Variants in CLN3 observed in about 807,000 individuals in gnomAD.
CLN3 encodes the protein battenin.
Under a neutral mutation model 60.7 loss-of-function variants are expected in CLN3, and 49 were observed. The observed-to-expected ratio is 0.81, with a 90% CI of 0.64 to 1.02. The LOEUF is 1.02. CLN3 is among the 50% of genes least tolerant of loss of function. CLN3 has a pLI of 0.00. For missense variants in CLN3, 516 were observed against 557.4 expected, an observed-to-expected ratio of 0.93 and a Z score of 0.75; for synonymous variants, 256 against 245.8, an observed-to-expected ratio of 1.04 and a Z score of -0.39.
downstream of CLN3, among the ~76,000 whole-genome samples, chr16:28,471,976 G>GCTGA (rs2045953539): frequency 6.6e-6 from 1 of 152,136 alleles, no homozygotes; most frequent in African/African-American, 2.4e-5. Context: ...TTTGCAGTGA[G>GCTGA]CTGAGATAGT....
downstream of CLN3, chr16:28,477,157 A>G: frequency 3.0e-6 from 1 of 332,052 alleles, no homozygotes; most frequent in East Asian, 7.9e-5. Context: ...AAACAAACAA[A>G]CAAACAAAAA....
At chr16:28,484,315 T>A (rs530071183) in intron 9 of CLN3, 197 bp from the exon 10 acceptor site, 6 of 610,164 alleles carry the variant, frequency 9.8e-6, no homozygotes, top group African/African-American at 9.2e-5. Context: ...TGGACCTGAA[T>A]TTATCTCCTT....
downstream of CLN3, among the ~76,000 whole-genome samples, chr16:28,474,479 AG>A (rs2045975605): frequency 6.6e-6 from 1 of 151,718 alleles, no homozygotes; most frequent in South Asian, 2.1e-4. Context: ...AAAAAGAGGG[AG>A]GCTGAGGCAG....
At position 28,491,823 on chromosome 16, in the gene CLN3, G is replaced by T; in HGVS notation, c.-64C>A. The T allele has an allele frequency of 1.3e-6, 2 of 1,588,110 alleles. No individual in the cohort carries two copies. The highest frequency in any genetic ancestry group is 8.6e-7 in the Non-Finnish European group (1 of 1,165,042). On this transcript the variant is annotated 5_prime_UTR_variant, in exon 2 of 16. Transcript: ENST00000636147. Reference sequence around the variant, plus strand: ...GAGTGTCCAAAGGGGGCTCCCACGGGAGGGATGAGGGTCTGCGACAGGTGA... The same window carrying T: ...GAGTGTCCAAAGGGGGCTCCCACGGTAGGGATGAGGGTCTGCGACAGGTGA...
In CLN3 at chr16:28,486,476, C is replaced by T; in HGVS notation, c.548G>A (p.Trp183Ter). The T allele has an allele frequency of 6.2e-7, 1 of 1,613,042 alleles. No homozygotes were observed. The highest frequency in any genetic ancestry group is 1.1e-5 in the South Asian group (1 of 90,868). The change falls in exon 9 of 16, where the codon TGG becomes TAG. Residue 183 changes from tryptophan (W) to a stop codon, truncating the protein, a stop_gained. Coordinates refer to ENST00000636147, the MANE Select transcript of CLN3 (RefSeq NM_001042432.2). LOFTEE classifies it high-confidence loss of function. ...AGCTCCCCCAGTCCCTGAGGACCACCAGGAGATCACGGCCCTGGGAAGGAG... is the reference window on the plus strand; with the variant it reads ...AGCTCCCCCAGTCCCTGAGGACCACTAGGAGATCACGGCCCTGGGAAGGAG... ...TAFYPRAVISWWSSGTGGAGL... is the reference protein window; with the variant it reads ...TAFYPRAVIS
At chr16:28,470,768 C>G (rs1451668511), downstream of CLN3, among the ~76,000 whole-genome samples, 1 of 149,888 alleles carries the variant, frequency 6.7e-6, no homozygotes, top group Non-Finnish European at 1.5e-5. Flanking sequence ...ATTAAGTTCT[C>G]AAGCGCTGGT....
At chr16:28,485,312 T>C (rs1263209168) in intron 9 of CLN3, among the ~76,000 whole-genome samples, 1 of 149,604 alleles carries the variant, frequency 6.7e-6, no homozygotes, top group Non-Finnish European at 1.5e-5. Context: ...CACGCCTGTA[T>C]TCCTAGCATT....
intron 9 of CLN3, chr16:28,484,341 C>G (rs549886955): frequency 3.6e-6 from 2 of 551,632 alleles, no homozygotes; most frequent in Non-Finnish European, 6.5e-6. Context: ...TATTCATGGG[C>G]CTTCATTTTG....
chr16:28,479,590 AAAAACAAAAC>A (rs368201543), intron 14 of CLN3: 6 of 157,398 alleles, frequency 3.8e-5, no homozygotes, highest in East Asian at 1.9e-4. Context: ...TCTGTCTCTA[AAAAACAAAAC>A]AAAACAAAAC....
Position 28,477,895 on chromosome 16 carries a change from G to A in CLN3, c.1057-18C>T, listed in dbSNP as rs554430803. 2.0e-5 allele frequency: 32 copies of A among 1,612,934 alleles called. No homozygotes were observed. Among genetic ancestry groups the A allele is most frequent in the Non-Finnish European group, 2.5e-5 (30 of 1,179,906 alleles). On this transcript the variant is annotated intron_variant, in intron 14 of 15. Coordinates refer to ENST00000636147, the MANE Select transcript of CLN3 (RefSeq NM_001042432.2). ...TTGAGGCACTGTGAACAGGGGGAGAGGCTAAGCCTGGGACCAGGGCGGGGC... is the reference window on the plus strand; with the variant it reads ...TTGAGGCACTGTGAACAGGGGGAGAAGCTAAGCCTGGGACCAGGGCGGGGC...
chr16:28,481,438 A>ACACACACACACG (rs1217806174), intron 14 of CLN3, among the ~76,000 whole-genome samples: 1 of 133,070 alleles, frequency 7.5e-6, no homozygotes, highest in African/African-American at 2.8e-5. Context: ...ACACACACAC[A>ACACACACACACG]CACACACACA....
chr16:28,469,127 TACA>T (rs2061837563), downstream of CLN3, among the ~76,000 whole-genome samples: 2 of 111,938 alleles, frequency 1.8e-5, no homozygotes, highest in Admixed American at 2.1e-4. Flanking sequence ...TAGAGAACCA[TACA>T]ACAATGGTAA....
At chr16:28,486,886 G>A (rs997323095) in intron 7 of CLN3, 2 of 593,662 alleles carry the variant, frequency 3.4e-6, no homozygotes, top group African/African-American at 1.9e-5. Context: ...CACCCTTGAT[G>A]TCTCTGCCCC....
chr16:28,486,896 C>T (rs1442659722), intron 7 of CLN3: 6 of 574,924 alleles, frequency 1.0e-5, no homozygotes, highest in Admixed American at 3.0e-5. Context: ...GTCTCTGCCC[C>T]TTCATCAGTC....
At chr16:28,491,631 C>G (rs779794309) in intron 2 of CLN3, 71 bp from the exon 3 acceptor site, 1 of 1,613,498 alleles carries the variant, frequency 6.2e-7, no homozygotes, top group South Asian at 1.1e-5. Context: ...CGTGTCCTCC[C>G]GGGGCCGAGT....
At chr16:28,489,038 A>G (rs1436383056) in intron 4 of CLN3, among the ~76,000 whole-genome samples, 1 of 152,088 alleles carries the variant, frequency 6.6e-6, no homozygotes, top group African/African-American at 2.4e-5. Flanking sequence ...AATAGCTCAG[A>G]CTACAGGTGT....
In CLN3 at chr16:28,484,032, C is replaced by T. The variant is rs1064795604; in HGVS notation, c.764G>A (p.Arg255Lys). The T allele has an allele frequency of 6.2e-7, 1 of 1,611,620 alleles. No individual in the cohort carries two copies. Among genetic ancestry groups the T allele is most frequent in the Admixed American group, 1.7e-5 (1 of 59,678 alleles). The change falls in exon 10 of 16, where the codon AGA becomes AAA. Residue 255 changes from arginine to lysine, a missense_variant. Arg to Lys is a conservative substitution (Grantham distance 26, BLOSUM62 2). Coordinates refer to ENST00000636147, the MANE Select transcript of CLN3 (RefSeq NM_001042432.2). ...AESAARQPLI[R>K]TEAPESKPGS... ...TGGCTTCGACTCCGGGGCCTCGGTT[C>T]TTATGAGGGGCTGCCGGGCTGCGCT...
intron 14 of CLN3, among the ~76,000 whole-genome samples, chr16:28,480,455 C>T (rs901097072): frequency 6.6e-6 from 1 of 151,852 alleles, no homozygotes; most frequent in Non-Finnish European, 1.5e-5. Flanking sequence ...GGCTGGAGTA[C>T]AGTACTGCAA....
chr16:28,491,440 T>G, intron 3 of CLN3, 42 bp downstream of exon 3: 1 of 1,608,870 alleles, frequency 6.2e-7, no homozygotes, highest in Non-Finnish European at 8.5e-7. Context: ...CACTTCCCTC[T>G]TCTCATGCCA....
Sources: allele counts gnomAD v4.1 joint callset (sites outside exome capture counted in the v4.1 genomes callset), GRCh38; gene constraint gnomAD v4.1.1; transcripts MANE v1.5; gene names NCBI Gene and HGNC (gene_info 2026-07-23, HGNC 2026-07-21).